Variants in VSNL1 observed in about 807,000 individuals in gnomAD.
VSNL1 encodes visinin-like protein 1.
VSNL1 carries 6 observed loss-of-function variants against 20.4 expected under a neutral mutation model. The observed-to-expected ratio is 0.29, with a 90% CI of 0.16 to 0.58. The LOEUF is 0.58. Ranked by LOEUF, VSNL1 falls within the 20% of genes least tolerant of loss-of-function variation. VSNL1 has a pLI of 0.90. For missense variants in VSNL1, 100 were observed against 234.5 expected (o/e 0.43, Z 3.75); for synonymous variants, 93 against 86.4 (o/e 1.08, Z -0.42).
rs373595388 is a variant in VSNL1 at position 17,568,710 on chromosome 2, G to T, written c.-5-23360G>T. On this transcript the variant is annotated intron_variant, in intron 1 of 3. Coordinates refer to ENST00000295156, the MANE Select transcript of VSNL1 (RefSeq NM_003385.5). ...TTGCTTCTTACAACTACTTCATTCT[G>T]GTTTCAGTGTCCTTCGTCCTGAAGT... Among the ~76,000 whole-genome samples, 48 of 152,042 alleles carry T rather than the reference G, an allele frequency of 3.2e-4. No individual in the cohort carries two copies. The East Asian group carries it at 8.1e-3, about 26-fold the overall frequency.
At chr2:17,578,720 G>T (rs542425815) in intron 1 of VSNL1, among the ~76,000 whole-genome samples, 3 of 152,340 alleles carry the variant, frequency 2.0e-5, no homozygotes, top group Admixed American at 2.0e-4. Context: ...CCTAGCCTTG[G>T]CATTGTCTCT....
intron 2 of VSNL1, among the ~76,000 whole-genome samples, chr2:17,633,097 C>T (rs1435729761): frequency 1.3e-5 from 2 of 152,116 alleles, no homozygotes; most frequent in African/African-American, 4.8e-5. Context: ...GTCTCACAAT[C>T]GTGGCTGAAG....
intron 1 of VSNL1, among the ~76,000 whole-genome samples, chr2:17,572,773 A>G (rs1051256934): frequency 6.6e-5 from 10 of 152,182 alleles, no homozygotes; most frequent in African/African-American, 2.4e-4. Flanking sequence ...ATCTCTGAAC[A>G]TAACATGCTC....
intron 1 of VSNL1, among the ~76,000 whole-genome samples, chr2:17,554,993 GTTCTC>G (rs1663639127): frequency 6.6e-6 from 1 of 151,408 alleles, no homozygotes; most frequent in African/African-American, 2.4e-5. Flanking sequence ...TTAGCTCACT[GTTCTC>G]TTATTGTTTT....
chr2:17,552,255 T>C (rs1199439933), intron 1 of VSNL1, among the ~76,000 whole-genome samples: 2 of 152,036 alleles, frequency 1.3e-5, no homozygotes, highest in Non-Finnish European at 2.9e-5. Flanking sequence ...GTTGGATACT[T>C]ACACGCGTTA....
At chr2:17,619,374 G>T (rs1665293849) in intron 2 of VSNL1, among the ~76,000 whole-genome samples, 1 of 152,072 alleles carries the variant, frequency 6.6e-6, no homozygotes, top group Non-Finnish European at 1.5e-5. Context: ...GGAGATTGAG[G>T]GGTGGTTTTT....
chr2:17,606,530 A>T (rs555088142), intron 2 of VSNL1, among the ~76,000 whole-genome samples: 2 of 152,154 alleles, frequency 1.3e-5, no homozygotes, highest in Non-Finnish European at 2.9e-5. Context: ...ACAGCACTGG[A>T]GTTGAGTCAG....
At chr2:17,555,647 C>T (rs1162908834) in intron 1 of VSNL1, among the ~76,000 whole-genome samples, 1 of 152,132 alleles carries the variant, frequency 6.6e-6, no homozygotes, top group Non-Finnish European at 1.5e-5. Context: ...ACAGAATTCA[C>T]TCATTTATGT....
At chr2:17,636,189 A>G (rs555413145) in intron 2 of VSNL1, among the ~76,000 whole-genome samples, 1 of 152,142 alleles carries the variant, frequency 6.6e-6, no homozygotes, top group South Asian at 2.1e-4. Flanking sequence ...GAAAGATGTC[A>G]TCAAGGTACA....
chr2:17,558,750 A>G (rs952473917), intron 1 of VSNL1, among the ~76,000 whole-genome samples: 5 of 152,134 alleles, frequency 3.3e-5, no homozygotes, highest in African/African-American at 1.2e-4. Context: ...TGAGGTCATA[A>G]CCAGAATTCT....
At chr2:17,595,228 G>C (rs1281948169) in intron 2 of VSNL1, among the ~76,000 whole-genome samples, 1 of 152,226 alleles carries the variant, frequency 6.6e-6, no homozygotes, top group African/African-American at 2.4e-5. Context: ...GAGCAAGTGT[G>C]GGTAAGCATT....
intron 2 of VSNL1, among the ~76,000 whole-genome samples, chr2:17,604,921 G>A (rs943572925): frequency 6.6e-6 from 1 of 152,168 alleles, no homozygotes; most frequent in Admixed American, 6.5e-5. Context: ...CTCTCTATCC[G>A]AGGCAGAGAC....
chr2:17,564,790 G>A (rs987804033), intron 1 of VSNL1, among the ~76,000 whole-genome samples: 5 of 152,178 alleles, frequency 3.3e-5, no homozygotes, highest in African/African-American at 4.8e-5. Context: ...TAATGGAGTC[G>A]GACAAGTAAA....
intron 2 of VSNL1, among the ~76,000 whole-genome samples, chr2:17,619,228 G>T (rs951718841): frequency 1.3e-5 from 2 of 152,116 alleles, no homozygotes; most frequent in African/African-American, 2.4e-5. Flanking sequence ...AATTGGATCT[G>T]GTCTTCTCTG....
chr2:17,631,241 G>A (rs932154269), intron 2 of VSNL1, among the ~76,000 whole-genome samples: 2 of 151,934 alleles, frequency 1.3e-5, no homozygotes, highest in African/African-American at 2.4e-5. Flanking sequence ...TCTGAATCTC[G>A]GTGTGGGGAT....
At chr2:17,644,912 T>C (rs1397395834) in intron 2 of VSNL1, among the ~76,000 whole-genome samples, 2 of 152,238 alleles carry the variant, frequency 1.3e-5, no homozygotes, top group East Asian at 1.9e-4. Flanking sequence ...ATTGTATTTG[T>C]ATATTCATAG....
chr2:17,560,800 A>T (rs1034904170), intron 1 of VSNL1, among the ~76,000 whole-genome samples: 3 of 152,196 alleles, frequency 2.0e-5, no homozygotes, highest in Non-Finnish European at 2.9e-5. Context: ...GAAATTTGCC[A>T]TATATTTTAG....
intron 2 of VSNL1, among the ~76,000 whole-genome samples, chr2:17,604,430 A>T (rs1361228391): frequency 1.3e-5 from 2 of 152,228 alleles, no homozygotes; most frequent in African/African-American, 4.8e-5. Flanking sequence ...TCCCAGCCAG[A>T]GCTGGCAGTA....
At chr2:17,544,643 T>C (rs940964710) in intron 1 of VSNL1, among the ~76,000 whole-genome samples, 33 of 152,190 alleles carry the variant, frequency 2.2e-4, no homozygotes, top group African/African-American at 7.7e-4. Flanking sequence ...ATCAAACATA[T>C]GGTTTCCTAA....
Sources: gnomAD v4.1 joint callset for allele counts (sites outside exome capture counted in the v4.1 genomes callset) on GRCh38, gnomAD v4.1.1 for gene constraint, MANE v1.5 for transcripts, NCBI Gene and HGNC (gene_info 2026-07-23, HGNC 2026-07-21) for gene names.